Variants in FXR1 observed in about 807,000 individuals in gnomAD.
The protein encoded by FXR1 is FMR1 autosomal homolog 1.
Under a neutral mutation model 84.0 loss-of-function variants are expected in FXR1, and 15 were observed. The observed-to-expected ratio is 0.18, with a 90% CI of 0.12 to 0.27. The LOEUF is 0.27. Ranked by LOEUF, FXR1 falls within the 10% of genes least tolerant of loss-of-function variation. FXR1 has a pLI of 1.00. For missense variants in FXR1, 480 were observed against 774.4 expected, an observed-to-expected ratio of 0.62 and a Z score of 4.51; for synonymous variants, 245 against 250.7, an observed-to-expected ratio of 0.98 and a Z score of 0.21.
At chr3:180,921,731 C>T (rs1019862489) in intron 1 of FXR1, among the ~76,000 whole-genome samples, 1 of 152,070 alleles carries the variant, frequency 6.6e-6, no homozygotes, top group East Asian at 1.9e-4. Context: ...TGTTGGCTGA[C>T]AATAAGATAT....
intron 14 of FXR1, among the ~76,000 whole-genome samples, chr3:180,968,763 G>C (rs1429783796): frequency 6.6e-6 from 1 of 152,148 alleles, no homozygotes; most frequent in African/African-American, 2.4e-5. Flanking sequence ...CTGTAAAGAG[G>C]AGTGTTTGGA....
chr3:180,967,296 C>G (rs974365125), intron 13 of FXR1, among the ~76,000 whole-genome samples: 1 of 152,108 alleles, frequency 6.6e-6, no homozygotes, highest in Non-Finnish European at 1.5e-5. Context: ...GGAAAAATTA[C>G]TTCTAGCTTA....
At position 180,979,363 on chromosome 3, in the gene FXR1, C is replaced by A. The variant is rs1714494804; in HGVS notation, c.*3071C>A. Reference sequence around the variant, plus strand: ...GAATTACAGTAAAGGAAAATTACACCTGGATTTTCTTCTGTAAAGTTTCAA... The same window carrying A: ...GAATTACAGTAAAGGAAAATTACACATGGATTTTCTTCTGTAAAGTTTCAA... On this transcript the variant is annotated 3_prime_UTR_variant, in exon 17 of 17. Transcript: ENST00000357559. The A allele has an allele frequency of 6.6e-6, 1 of 152,028 alleles. No homozygotes were observed. The highest frequency in any genetic ancestry group is 2.4e-5 in the African/African-American group (1 of 41,424). 9.4% of individuals were successfully genotyped at this position (152,028 alleles called of 1,614,324 possible). A position where few individuals can be genotyped will look rare whatever the true frequency, so the allele number is the denominator to read the frequency against.
rs1420362512 is a variant in FXR1 at position 180,978,775 on chromosome 3, C to T, written c.*2483C>T. 3 of 151,992 alleles carry T rather than the reference C, an allele frequency of 2.0e-5. No individual in the cohort carries two copies. In the East Asian group the frequency reaches 5.8e-4, roughly 29 times the overall value. The allele number at this position is 151,992 out of a possible 1,614,324, so 9.4% of individuals were successfully genotyped here. On this transcript the variant is annotated 3_prime_UTR_variant, in exon 17 of 17. Coordinates refer to ENST00000357559, the MANE Select transcript of FXR1 (RefSeq NM_005087.4). ...ATGTTTCAGCATATATATGTGAATT[C>T]ATATATGACACCTGAACGGAATCAT...
At chr3:180,917,726 A>G (rs1253579041) in intron 1 of FXR1, among the ~76,000 whole-genome samples, 1 of 152,094 alleles carries the variant, frequency 6.6e-6, no homozygotes, top group Non-Finnish European at 1.5e-5. Flanking sequence ...AGGTGCGTGG[A>G]TCACGAGGTC....
chr3:180,935,376 G>T, intron 3 of FXR1, 145 bp downstream of exon 3: 1 of 565,352 alleles, frequency 1.8e-6, no homozygotes, highest in Non-Finnish European at 3.2e-6. Context: ...GTGTAATACA[G>T]CAGTGCTTGA....
intron 1 of FXR1, among the ~76,000 whole-genome samples, chr3:180,929,929 A>G (rs1392524875): frequency 6.6e-6 from 1 of 152,198 alleles, no homozygotes; most frequent in Non-Finnish European, 1.5e-5. Flanking sequence ...GTCAGGCCTT[A>G]CTCTAGTAAA....
chr3:180,938,676 G>A (rs142652656), intron 3 of FXR1, among the ~76,000 whole-genome samples: 510 of 151,998 alleles, frequency 3.4e-3, no homozygotes, highest in African/African-American at 0.012. Context: ...AGCCTCCCTA[G>A]TAGCTGGGAT....
At chr3:180,964,127 T>A (rs1455729461) in intron 13 of FXR1, among the ~76,000 whole-genome samples, 3 of 152,202 alleles carry the variant, frequency 2.0e-5, no homozygotes, top group Admixed American at 2.0e-4. Context: ...TGTTCTCATT[T>A]TCTTATATAT....
At chr3:180,939,620 AT>A (rs1720910867) in intron 3 of FXR1, among the ~76,000 whole-genome samples, 1 of 152,080 alleles carries the variant, frequency 6.6e-6, no homozygotes, top group Admixed American at 6.5e-5. Flanking sequence ...TTTTAAACAG[AT>A]TATTTCAGAG....
chr3:180,919,631 T>G (rs1052071560), intron 1 of FXR1, among the ~76,000 whole-genome samples: 8 of 151,684 alleles, frequency 5.3e-5, no homozygotes, highest in African/African-American at 1.9e-4. Flanking sequence ...TTAGGTATAT[T>G]AGGTTAAATA....
In FXR1 at chr3:180,979,484, C is replaced by T. The variant is rs925298960; in HGVS notation, c.*3192C>T. The T allele has an allele frequency of 1.3e-5, 2 of 152,028 alleles. No homozygotes were observed. Among genetic ancestry groups the T allele is most frequent in the African/African-American group, 4.8e-5 (2 of 41,398 alleles). 9.4% of individuals were successfully genotyped at this position (152,028 alleles called of 1,614,324 possible). ...TCTCAGTCTTCCTGTCTTTGCTACA[C>T]GATTTGGATCCCTTACGCTTTTTCG... On this transcript the variant is annotated 3_prime_UTR_variant, in exon 17 of 17. Transcript: ENST00000357559.
rs759740435 is a variant in FXR1, at chr3:180,949,238, A to G, written c.525A>G (p.Glu175=). ...TTGTTTGTTTATAGTCTGCCAGTGAAGCAACTGTGAAGAGAGTAAACATCT... is the reference window on the plus strand; with the variant it reads ...TTGTTTGTTTATAGTCTGCCAGTGAGGCAACTGTGAAGAGAGTAAACATCT... ...TTQLMILSAS[E]ATVKRVNILS... The change falls in exon 7 of 17, where the codon GAA becomes GAG. Residue 175 remains glutamate, a synonymous_variant. Coordinates refer to ENST00000357559, the MANE Select transcript of FXR1 (RefSeq NM_005087.4). 1 of 1,564,230 alleles carries G rather than the reference A, an allele frequency of 6.4e-7. No individual in the cohort carries two copies. The highest frequency in any genetic ancestry group is 8.8e-7 in the Non-Finnish European group (1 of 1,134,448).
intron 3 of FXR1, among the ~76,000 whole-genome samples, chr3:180,945,406 T>C (rs1721591553): frequency 6.6e-6 from 1 of 152,248 alleles, no homozygotes; most frequent in Non-Finnish European, 1.5e-5. Flanking sequence ...ATTTTTATTT[T>C]ACCTTTTTTT....
intron 1 of FXR1, among the ~76,000 whole-genome samples, chr3:180,925,998 C>A (rs900491209): frequency 6.6e-6 from 1 of 152,222 alleles, no homozygotes; most frequent in Admixed American, 6.5e-5. Context: ...AGCCCAGTGT[C>A]TCTAATAAAG....
chr3:180,951,432 A>G lies in FXR1; in HGVS notation c.765A>G (p.Leu255=), dbSNP rs780942609. 6.2e-6 allele frequency: 10 copies of G among 1,613,578 alleles called. No individual in the cohort carries two copies. In the Admixed American group the frequency reaches 1.7e-4, roughly 27 times the overall value. Residue 255 remains leucine, a synonymous_variant, in exon 8 of 17, where the codon CTA becomes CTG. Coordinates refer to ENST00000357559, the MANE Select transcript of FXR1 (RefSeq NM_005087.4). Reference sequence around the variant, plus strand: ...TTCCTGGAGTTACCGCCATTGAGCTAGATGAAGATACTGGAACATTCAGAA... The same window carrying G: ...TTCCTGGAGTTACCGCCATTGAGCTGGATGAAGATACTGGAACATTCAGAA... ...RKVPGVTAIE[L]DEDTGTFRIY... is the part of the protein sequence containing the mutation.
At chr3:180,963,180 T>G in intron 13 of FXR1, 90 bp downstream of exon 13, 1 of 636,016 alleles carries the variant, frequency 1.6e-6, no homozygotes, top group South Asian at 2.0e-5. Context: ...TATAATTAGT[T>G]CATTACTCTG....
At chr3:180,964,412 TTGA>T (rs1241843383) in intron 13 of FXR1, among the ~76,000 whole-genome samples, 1 of 152,182 alleles carries the variant, frequency 6.6e-6, no homozygotes, top group East Asian at 1.9e-4. Context: ...AGTCGGCTTA[TTGA>T]TGAGAGCTTA....
At chr3:180,954,683 G>A (rs1184335823) in intron 9 of FXR1, among the ~76,000 whole-genome samples, 1 of 151,968 alleles carries the variant, frequency 6.6e-6, no homozygotes, top group East Asian at 1.9e-4. Context: ...AGGGGGACGA[G>A]TTTTTGTTCC....
Sources: gnomAD v4.1 joint callset for allele counts (sites outside exome capture counted in the v4.1 genomes callset) on GRCh38, gnomAD v4.1.1 for gene constraint, MANE v1.5 for transcripts, NCBI Gene and HGNC (gene_info 2026-07-23, HGNC 2026-07-21) for gene names.